KIAA1191: variants seen among roughly 807,000 people sequenced by gnomAD.
The protein encoded by KIAA1191 is putative monooxygenase p33MONOX.
Under a neutral mutation model 31.1 loss-of-function variants are expected in KIAA1191, and 22 were observed. That is an observed-to-expected ratio of 0.71 (90% confidence interval 0.51 to 1.01). The LOEUF is 1.01. Ranked by LOEUF, KIAA1191 falls within the 50% of genes least tolerant of loss-of-function variation. The probability of loss-of-function intolerance (pLI) is 0.00; values close to 1 mark genes in which losing one functional copy is unlikely to be tolerated. For synonymous variants in KIAA1191, 130 were observed against 143.9 expected, an observed-to-expected ratio of 0.90 and a Z score of 0.69; for missense variants, 319 against 388.0, an observed-to-expected ratio of 0.82 and a Z score of 1.49.
At position 176,352,826 on chromosome 5, in the gene KIAA1191, G is replaced by A. The variant is rs1767151622; in HGVS notation, c.208-78C>T. ...ACACCTAAACTTACTCCTTTGGGGA[G>A]GAAGTTACTGAAATAACATTAATCT... On this transcript the variant is annotated intron_variant, in intron 4 of 8. Transcript: ENST00000298569. 5 of 1,423,554 alleles carry A rather than the reference G, an allele frequency of 3.5e-6. No homozygotes were observed. The Admixed American group carries it at 1.0e-4, about 29-fold the overall frequency. 88.2% of individuals were successfully genotyped at this position (1,423,554 alleles called of 1,614,324 possible).
rs1766571008 is a variant in KIAA1191, at chr5:176,347,117, C to A, written c.*483G>T. 6.6e-6 allele frequency: 1 copy of A among 152,232 alleles called. No homozygotes were observed. The highest frequency in any genetic ancestry group is 1.5e-5 in the Non-Finnish European group (1 of 68,044). The allele number at this position is 152,232 out of a possible 1,614,324, so 9.4% of individuals were successfully genotyped here. On this transcript the variant is annotated 3_prime_UTR_variant, in exon 9 of 9. Coordinates refer to ENST00000298569, the MANE Select transcript of KIAA1191 (RefSeq NM_020444.5). ...GCAGTACAAAATGGCTTCTTCCACACAACAAGGGCAAGCTTTATACTAATG... is the reference window on the plus strand; with the variant it reads ...GCAGTACAAAATGGCTTCTTCCACAAAACAAGGGCAAGCTTTATACTAATG...
chr5:176,348,623 C>T (rs1402798929), intron 6 of KIAA1191, among the ~76,000 whole-genome samples: 3 of 151,088 alleles, frequency 2.0e-5, no homozygotes, highest in Non-Finnish European at 2.9e-5. Context: ...CTTTCAGAAA[C>T]GTGAAGTAAT....
intron 6 of KIAA1191, chr5:176,349,157 G>A (rs1766778267): frequency 6.6e-6 from 1 of 152,256 alleles, no homozygotes; most frequent in Non-Finnish European, 1.5e-5. Context: ...GACACAGAAA[G>A]TGGGTCAACC....
At chr5:176,360,085 C>A (rs1444413086) in intron 1 of KIAA1191, among the ~76,000 whole-genome samples, 167 bp from the exon 2 acceptor site, 1 of 151,924 alleles carries the variant, frequency 6.6e-6, no homozygotes, top group Non-Finnish European at 1.5e-5. Flanking sequence ...AAACTATTTA[C>A]AGCGTTTATC....
At chr5:176,359,246 G>A (rs903768757) in intron 3 of KIAA1191, among the ~76,000 whole-genome samples, 1 of 152,048 alleles carries the variant, frequency 6.6e-6, no homozygotes, top group Non-Finnish European at 1.5e-5. Flanking sequence ...TTGAACCCAG[G>A]AAGCGGAGGT....
At chr5:176,350,939 C>T (rs1003250089) in intron 5 of KIAA1191, among the ~76,000 whole-genome samples, 12 of 152,100 alleles carry the variant, frequency 7.9e-5, no homozygotes, top group Admixed American at 3.3e-4. Context: ...GAAGCCTTCC[C>T]TCACACCAAG....
chr5:176,347,533 A>C lies in KIAA1191; in HGVS notation c.*67T>G. The C allele has an allele frequency of 7.8e-7, 1 of 1,280,040 alleles. No individual in the cohort carries two copies. The highest frequency in any genetic ancestry group is 1.1e-6 in the Non-Finnish European group (1 of 951,124). 79.3% of individuals were successfully genotyped at this position (1,280,040 alleles called of 1,614,324 possible). ...TTTTTAAATATACCTTTCCTATGTC[A>C]AAGCCAAGGTAAAAGGGGAGTGGGA... On this transcript the variant is annotated 3_prime_UTR_variant, in exon 9 of 9. Coordinates refer to ENST00000298569, the MANE Select transcript of KIAA1191 (RefSeq NM_020444.5).
rs1258557985 is a variant in KIAA1191 at position 176,355,551 on chromosome 5, T to C, written c.207+20A>G. 1.9e-6 allele frequency: 3 copies of C among 1,598,484 alleles called. No homozygotes were observed. In the Admixed American group the frequency reaches 5.1e-5, roughly 27 times the overall value. On this transcript the variant is annotated intron_variant, in intron 4 of 8. Coordinates refer to ENST00000298569, the MANE Select transcript of KIAA1191 (RefSeq NM_020444.5). The surrounding 1 kb of genome is among the most constrained non-coding windows in gnomAD (Gnocchi z 4.2). ...ACAAAGGGGTTGCGTATGCCAGAAA[T>C]GGCCAGCAGGGTCAGATACCTTGGC... is the stretch of plus-strand genomic sequence containing the variant.
At position 176,347,226 on chromosome 5, in the gene KIAA1191, GC is replaced by G. The variant is rs1426699860; in HGVS notation, c.*373del. The G allele has an allele frequency of 1.3e-5, 2 of 156,192 alleles. No individual in the cohort carries two copies. The highest frequency in any genetic ancestry group is 4.8e-5 in the African/African-American group (2 of 41,560). The allele number at this position is 156,192 out of a possible 1,614,324, so 9.7% of individuals were successfully genotyped here. A position where few individuals can be genotyped will look rare whatever the true frequency, so the allele number is the denominator to read the frequency against. On this transcript the variant is annotated 3_prime_UTR_variant, in exon 9 of 9. Transcript: ENST00000298569. The stretch of plus-strand genomic sequence containing the variant: ...TACTTTATTTATTTATTTATTGATG[GC>G]GTCTCGTTCTGTCGCCCAGGCTGGA...
chr5:176,352,734 C>G lies in KIAA1191; in HGVS notation c.222G>C (p.Glu74Asp). The change falls in exon 5 of 9, where the codon GAG becomes GAC. Residue 74 changes from glutamate to aspartate, a missense_variant. Transcript: ENST00000298569. Reference protein sequence around the residue: ...YQHLAKVEEGEASLPSPAMTL... With the variant: ...YQHLAKVEEGDASLPSPAMTL... Reference sequence around the variant, plus strand: ...TCATGGCAGGGGAGGGTAGACTGGCCTCTCCTTCCTCCACCTGTTCAAGAG... The same window carrying G: ...TCATGGCAGGGGAGGGTAGACTGGCGTCTCCTTCCTCCACCTGTTCAAGAG... 1 of 1,613,576 alleles carries G rather than the reference C, an allele frequency of 6.2e-7. No homozygotes were observed. The highest frequency in any genetic ancestry group is 8.5e-7 in the Non-Finnish European group (1 of 1,179,728).
At position 176,352,683 on chromosome 5, in the gene KIAA1191, C is replaced by T. The variant is rs1767137048; in HGVS notation, c.273G>A (p.Val91=). ...AMTLSSAIDS[V]DKVPVVKAKA... ...TAGCCTTCACCACTGGGACCTTGTC[C>T]ACACTGTCAATGGCTGATGACAGGG... The change falls in exon 5 of 9, where the codon GTG becomes GTA. Residue 91 remains valine, a synonymous_variant. Coordinates refer to ENST00000298569, the MANE Select transcript of KIAA1191 (RefSeq NM_020444.5). The T allele has an allele frequency of 6.2e-7, 1 of 1,614,012 alleles. No homozygotes were observed.
intron 6 of KIAA1191, 119 bp from the exon 7 acceptor site, chr5:176,348,475 G>A: frequency 1.5e-6 from 1 of 678,498 alleles, no homozygotes; most frequent in East Asian, 2.7e-5. Context: ...ATCTACAGGT[G>A]GAATGATTTC....
In KIAA1191 at chr5:176,347,534, A is replaced by C; in HGVS notation, c.*66T>G. ...TTTTAAATATACCTTTCCTATGTCA[A>C]AGCCAAGGTAAAAGGGGAGTGGGAT... On this transcript the variant is annotated 3_prime_UTR_variant, in exon 9 of 9. Coordinates refer to ENST00000298569, the MANE Select transcript of KIAA1191 (RefSeq NM_020444.5). 1 of 1,278,232 alleles carries C rather than the reference A, an allele frequency of 7.8e-7. No homozygotes were observed. Among genetic ancestry groups the C allele is most frequent in the Non-Finnish European group, 1.1e-6 (1 of 949,352 alleles). The allele number at this position is 1,278,232 out of a possible 1,614,324, so 79.2% of individuals were successfully genotyped here.
rs1766500926 is a variant in KIAA1191, at chr5:176,346,372, A to C, written c.*1228T>G. ...AATGCTTTCATACAGAAAATTTTGA[A>C]TTGAGTGACCTCCCCGCACAGGCGT... On this transcript the variant is annotated 3_prime_UTR_variant, in exon 9 of 9. Transcript: ENST00000298569. 6.6e-6 allele frequency: 1 copy of C among 152,270 alleles called. No individual in the cohort carries two copies. The highest frequency in any genetic ancestry group is 2.4e-5 in the African/African-American group (1 of 41,482). The allele number at this position is 152,270 out of a possible 1,614,324, so 9.4% of individuals were successfully genotyped here. A position where few individuals can be genotyped will look rare whatever the true frequency, so the allele number is the denominator to read the frequency against.
At position 176,350,729 on chromosome 5, in the gene KIAA1191, G is replaced by A. The variant is rs1766923289; in HGVS notation, c.343C>T (p.Gln115Ter). ...CGCTCAAAATGCTGAATGCTTTCCT[G>A]GGTCTGTTCTGGGAACAGAGGAGAT... ...IMNSLITKQT[Q>*]ESIQHFERQA... The change falls in exon 6 of 9, where the codon CAG (glutamine) becomes TAG (stop). Residue 115 changes from glutamine (Q) to a stop codon, truncating the protein, a stop_gained. Coordinates refer to ENST00000298569, the MANE Select transcript of KIAA1191 (RefSeq NM_020444.5). LOFTEE classifies it high-confidence loss of function. 6 of 1,613,994 alleles carry A rather than the reference G, an allele frequency of 3.7e-6. No homozygotes were observed. Among genetic ancestry groups the A allele is most frequent in the Admixed American group, 3.3e-5 (2 of 59,998 alleles).
chr5:176,356,054 G>C (rs1044277853), intron 3 of KIAA1191: 2 of 317,244 alleles, frequency 6.3e-6, no homozygotes, highest in East Asian at 1.9e-4. Flanking sequence ...GCTCACTGCA[G>C]GCTCAACCTC....
chr5:176,353,598 T>C (rs934224671), intron 4 of KIAA1191: 3 of 152,234 alleles, frequency 2.0e-5, no homozygotes, highest in Non-Finnish European at 4.4e-5. Context: ...TGAGTAAAAC[T>C]TGAGCCTGTT....
At position 176,346,971 on chromosome 5, in the gene KIAA1191, C is replaced by G. The variant is rs958151195; in HGVS notation, c.*629G>C. ...GAATAAAGAAGCCTGGGTTTTGGAA[C>G]AGTACAAACATTCTTTACCTAGTAA... On this transcript the variant is annotated 3_prime_UTR_variant, in exon 9 of 9. Coordinates refer to ENST00000298569, the MANE Select transcript of KIAA1191 (RefSeq NM_020444.5). 2.0e-5 allele frequency: 3 copies of G among 152,152 alleles called. No homozygotes were observed. Among genetic ancestry groups the G allele is most frequent in the Non-Finnish European group, 2.9e-5 (2 of 68,028 alleles). The allele number at this position is 152,152 out of a possible 1,614,324, so 9.4% of individuals were successfully genotyped here.
intron 5 of KIAA1191, 70 bp from the exon 6 acceptor site, chr5:176,350,807 A>T (rs1330368516): frequency 6.4e-7 from 1 of 1,571,768 alleles, no homozygotes; most frequent in Non-Finnish European, 8.7e-7. Context: ...GACAACATGG[A>T]TATCTACTAT....
Sources: allele counts gnomAD v4.1 joint callset (sites outside exome capture counted in the v4.1 genomes callset), GRCh38; gene constraint gnomAD v4.1.1; non-coding constraint Gnocchi (gnomAD v3.1); transcripts MANE v1.5; gene names NCBI Gene and HGNC (gene_info 2026-07-23, HGNC 2026-07-21).